ASH1L: variants seen among roughly 807,000 people sequenced by gnomAD.
The protein encoded by ASH1L is histone-lysine N-methyltransferase ASH1L.
Under a neutral mutation model 269.0 loss-of-function variants are expected in ASH1L, and 23 were observed. That is an observed-to-expected ratio of 0.09 (90% CI 0.06 to 0.12). ASH1L has a LOEUF of 0.12. Among genes scored for constraint, ASH1L ranks in the 10% least tolerant of loss-of-function variants. ASH1L has a pLI of 1.00. For missense variants in ASH1L, 2,912 were observed against 3,567.8 expected (o/e 0.82, Z 4.68); for synonymous variants, 1,187 against 1,253.5 (o/e 0.95, Z 1.12).
At chr1:155,543,237 G>A (rs188361035) in intron 1 of ASH1L, among the ~76,000 whole-genome samples, 69 of 151,888 alleles carry the variant, frequency 4.5e-4, no homozygotes, top group East Asian at 2.7e-3. Context: ...TCAGCCGGGC[G>A]TGGTGGCTCA....
chr1:155,370,002 C>T (rs188594841), intron 12 of ASH1L: 24 of 162,690 alleles, frequency 1.5e-4, no homozygotes, highest in African/African-American at 4.3e-4. Context: ...CTCTTGACCT[C>T]GTGATCCGCC....
intron 3 of ASH1L, among the ~76,000 whole-genome samples, chr1:155,464,561 A>G (rs751750758): frequency 4.6e-5 from 7 of 152,266 alleles, no homozygotes; most frequent in Admixed American, 6.5e-5. Context: ...CAGAATAAAT[A>G]TAAGTAGATT....
At chr1:155,371,076 C>T (rs1307327457) in intron 10 of ASH1L, 93 bp from the exon 11 acceptor site, 1 of 1,027,238 alleles carries the variant, frequency 9.7e-7, no homozygotes, top group Admixed American at 2.8e-5. Context: ...AAAATGAATA[C>T]ATGAAATCAA....
chr1:155,440,711 A>G (rs1479334777), intron 4 of ASH1L: 1 of 154,406 alleles, frequency 6.5e-6, no homozygotes, highest in African/African-American at 2.4e-5. Context: ...TTCTCTCTTT[A>G]GCAATTCTTT....
In ASH1L at chr1:155,479,811, T is replaced by C. The variant is rs762457065; in HGVS notation, c.3059A>G (p.Asn1020Ser). Reference protein sequence around the residue: ...NKGKVQSKLHNTVSSLAATFG... With the variant: ...NKGKVQSKLHSTVSSLAATFG... ...TGTGGCAGCAAGACTTGATACCGTA[T>C]TATGGAGTTTGGATTGCACTTTCCC... The change falls in exon 3 of 28, where the codon AAT becomes AGT. Residue 1020 changes from asparagine to serine, a missense_variant. By Grantham distance (46) the Asn-to-Ser change is conservative (BLOSUM62 1). Coordinates refer to ENST00000392403, the MANE Select transcript of ASH1L (RefSeq NM_018489.3). 5.2e-5 allele frequency: 84 copies of C among 1,614,114 alleles called. 1 individual carries two copies. Among genetic ancestry groups the C allele is most frequent in the Non-Finnish European group, 6.0e-5 (71 of 1,180,032 alleles).
intron 1 of ASH1L, among the ~76,000 whole-genome samples, chr1:155,541,222 T>C (rs1670406681): frequency 6.6e-6 from 1 of 152,168 alleles, no homozygotes; most frequent in Non-Finnish European, 1.5e-5. Context: ...TCAAAAAATA[T>C]CTATTGAATG....
intron 6 of ASH1L, among the ~76,000 whole-genome samples, chr1:155,405,829 C>CA (rs201440660): frequency 0.091 from 6,993 of 76,896 alleles, 369 homozygotes; most frequent in African/African-American, 0.22. Context: ...TTCTCTGTGT[C>CA]AAAAAAAAAA....
intron 4 of ASH1L, among the ~76,000 whole-genome samples, chr1:155,445,081 T>C (rs1662907170): frequency 6.6e-6 from 1 of 152,202 alleles, no homozygotes; most frequent in African/African-American, 2.4e-5. Context: ...TCATGTGGTA[T>C]GAAACAGGGT....
chr1:155,448,162 G>A (rs971493511), intron 4 of ASH1L, among the ~76,000 whole-genome samples: 6 of 152,170 alleles, frequency 3.9e-5, no homozygotes, highest in African/African-American at 7.2e-5. Context: ...CTGTAGGTGT[G>A]TGGATTTGTT....
intron 1 of ASH1L, among the ~76,000 whole-genome samples, chr1:155,551,700 T>C (rs1054997332): frequency 4.7e-5 from 7 of 148,474 alleles, no homozygotes; most frequent in Non-Finnish European, 1.0e-4. Context: ...CCAGGAGTGT[T>C]GGCTCACACC....
At chr1:155,474,427 G>C (rs956588616) in intron 3 of ASH1L, among the ~76,000 whole-genome samples, 1 of 152,150 alleles carries the variant, frequency 6.6e-6, no homozygotes, top group Non-Finnish European at 1.5e-5. Flanking sequence ...GCTCAGAGTG[G>C]TGACTCAGGC....
chr1:155,455,430 A>C (rs942931093), intron 4 of ASH1L, among the ~76,000 whole-genome samples: 2 of 152,034 alleles, frequency 1.3e-5, no homozygotes, highest in Non-Finnish European at 2.9e-5. Context: ...ACAGGAATTT[A>C]GTTCAAGGAT....
intron 4 of ASH1L, among the ~76,000 whole-genome samples, chr1:155,450,671 A>T (rs1663397095): frequency 6.6e-6 from 1 of 152,232 alleles, no homozygotes; most frequent in African/African-American, 2.4e-5. Flanking sequence ...TGGAATTACC[A>T]TATAATCGAG....
At chr1:155,454,626 G>C (rs1301097800) in intron 4 of ASH1L, among the ~76,000 whole-genome samples, 1 of 152,044 alleles carries the variant, frequency 6.6e-6, no homozygotes, top group Non-Finnish European at 1.5e-5. Context: ...AAATTAGCCA[G>C]GCGTGGTGGC....
rs141381267 is a variant in ASH1L at position 155,369,434 on chromosome 1, G to A, written c.6686+1070C>T. Among the ~76,000 whole-genome samples the A allele has an allele frequency of 6.2e-3, 926 of 150,062 alleles. 10 individuals carry two copies. The highest frequency in any genetic ancestry group is 0.022 in the African/African-American group (895 of 40,862). On this transcript the variant is annotated intron_variant, in intron 12 of 27. Coordinates refer to ENST00000392403, the MANE Select transcript of ASH1L (RefSeq NM_018489.3). ...TGCACTCCAGCCTGGGCAACAGAGC[G>A]AGACTCCGTCTCAAAAAAAAAAAAA...
At chr1:155,451,698 C>T (rs960860601) in intron 4 of ASH1L, among the ~76,000 whole-genome samples, 4 of 151,000 alleles carry the variant, frequency 2.6e-5, no homozygotes, top group South Asian at 2.1e-4. Flanking sequence ...CCAGCCTGGG[C>T]GACAGGAGCG....
At chr1:155,431,074 T>C (rs1479098215) in intron 5 of ASH1L, among the ~76,000 whole-genome samples, 1 of 151,936 alleles carries the variant, frequency 6.6e-6, no homozygotes. Context: ...TAGCCGGGCA[T>C]GGTGGCAGGA....
At position 155,481,622 on chromosome 1, in the gene ASH1L, C is replaced by G; in HGVS notation, c.1248G>C (p.Leu416=). 6.2e-7 allele frequency: 1 copy of G among 1,614,144 alleles called. No individual in the cohort carries two copies. The highest frequency in any genetic ancestry group is 1.1e-5 in the South Asian group (1 of 91,084). ...KKLMSCPLAG[L]ISKDAINLKA... ...TAAGGTTTATGGCATCTTTACTGAT[C>G]AGACCTGCCAAAGGACAACTCATTA... The change falls in exon 3 of 28, where the codon CTG becomes CTC. Residue 416 remains leucine, a synonymous_variant. Transcript: ENST00000392403.
At chr1:155,389,081 T>C (rs577682742) in intron 7 of ASH1L, among the ~76,000 whole-genome samples, 12 of 148,368 alleles carry the variant, frequency 8.1e-5, no homozygotes, top group South Asian at 2.2e-4. Context: ...TCCTGGCTCA[T>C]TGCAACCTCC....
Sources: allele counts gnomAD v4.1 joint callset (sites outside exome capture counted in the v4.1 genomes callset), GRCh38; gene constraint gnomAD v4.1.1; transcripts MANE v1.5; gene names NCBI Gene and HGNC (gene_info 2026-07-23, HGNC 2026-07-21).